The following PHF21A variants were observed in gnomAD, a reference collection of about 807,000 sequenced individuals.
PHF21A encodes BHC80a.
Under a neutral mutation model 82.5 loss-of-function variants are expected in PHF21A, and 11 were observed. The ratio of observed to expected loss-of-function variants is 0.13; its 90% CI spans 0.08 to 0.22. PHF21A has a LOEUF of 0.22. Ranked by LOEUF, PHF21A falls within the 10% of genes least tolerant of loss-of-function variation. PHF21A has a pLI of 1.00. For synonymous variants in PHF21A, 297 were observed against 302.8 expected (o/e 0.98, Z 0.20); for missense variants, 579 against 837.8 (o/e 0.69, Z 3.81).
rs35995547 is a variant in PHF21A, at chr11:45,935,741, TAAAAA to T, written c.1685-7_1685-3del. On this transcript the variant is annotated splice_region_variant and splice_polypyrimidine_tract_variant and intron_variant, in intron 17 of 18. Transcript: ENST00000676320. Reference sequence around the variant, plus strand: ...ACTTCTGTTTCTCTTCTTCTTTTGCTAAAAAAAAAAAAAAAAAAAAAAAGGAACGG... The same window carrying T: ...ACTTCTGTTTCTCTTCTTCTTTTGCTAAAAAAAAAAAAAAAAAAGGAACGG... 7,089 of 515,874 alleles carry T rather than the reference TAAAAA, an allele frequency of 0.014. No individual in the cohort carries two copies. Among genetic ancestry groups the T allele is most frequent in the South Asian group, 0.015 (637 of 42,176 alleles). The allele number at this position is 515,874 out of a possible 1,614,324, so 32.0% of individuals were successfully genotyped here. A position where few individuals can be genotyped will look rare whatever the true frequency, so the allele number is the denominator to read the frequency against.
At chr11:46,061,239 T>C (rs931123365) in intron 6 of PHF21A, among the ~76,000 whole-genome samples, 12 of 152,222 alleles carry the variant, frequency 7.9e-5, no homozygotes, top group African/African-American at 2.9e-4. Context: ...TCGGTTAGCA[T>C]GATGCCTCCA....
At chr11:45,999,972 T>C (rs928220190) in intron 6 of PHF21A, among the ~76,000 whole-genome samples, 7 of 152,226 alleles carry the variant, frequency 4.6e-5, no homozygotes, top group African/African-American at 1.7e-4. Context: ...TGACATTTAC[T>C]AAACAACCAG....
At chr11:46,079,216 T>C in intron 4 of PHF21A, 50 bp from the exon 5 acceptor site, 1 of 1,385,560 alleles carries the variant, frequency 7.2e-7, no homozygotes, top group Non-Finnish European at 1.0e-6. Flanking sequence ...ATTAACTCCC[T>C]ATGGCTAATC....
chr11:45,964,238 T>A (rs1322548456), intron 10 of PHF21A, among the ~76,000 whole-genome samples: 4 of 23,646 alleles, frequency 1.7e-4, no homozygotes, highest in African/African-American at 2.6e-4. Context: ...AATAATAATT[T>A]ATTTCTGAAT....
chr11:45,978,295 C>T (rs952843864), intron 7 of PHF21A, among the ~76,000 whole-genome samples: 13 of 151,498 alleles, frequency 8.6e-5, no homozygotes, highest in Admixed American at 4.6e-4. Flanking sequence ...AGTGAGACTC[C>T]GTCTCAAAAA....
intron 6 of PHF21A, among the ~76,000 whole-genome samples, chr11:46,019,749 G>A (rs981708350): frequency 1.3e-5 from 2 of 152,046 alleles, no homozygotes; most frequent in South Asian, 4.1e-4. Context: ...TTATATTTCT[G>A]CTTGACAGTT....
At chr11:45,962,584 T>C (rs919988800) in intron 10 of PHF21A, among the ~76,000 whole-genome samples, 3 of 151,924 alleles carry the variant, frequency 2.0e-5, no homozygotes, top group Admixed American at 2.0e-4. Flanking sequence ...AATTCCTTTA[T>C]TAGACCAAAA....
intron 5 of PHF21A, among the ~76,000 whole-genome samples, chr11:46,078,376 TAGATAA>T (rs1361609693): frequency 2.0e-5 from 3 of 152,174 alleles, no homozygotes; most frequent in African/African-American, 7.2e-5. Context: ...GATATAGATA[TAGATAA>T]AGATATATTT....
At chr11:46,079,749 A>T (rs2096767723) in intron 4 of PHF21A, among the ~76,000 whole-genome samples, 1 of 152,144 alleles carries the variant, frequency 6.6e-6, no homozygotes, top group Admixed American at 6.5e-5. Context: ...AACTCTATCT[A>T]ACTCGATTCC....
chr11:45,974,712 C>T (rs1171509827), intron 7 of PHF21A, among the ~76,000 whole-genome samples: 2 of 152,078 alleles, frequency 1.3e-5, no homozygotes, highest in Non-Finnish European at 2.9e-5. Flanking sequence ...ATCGGCCTCC[C>T]AAAGTGTTGG....
intron 1 of PHF21A, among the ~76,000 whole-genome samples, chr11:46,108,582 TATATAA>T (rs768687714): frequency 5.0e-4 from 69 of 138,150 alleles, no homozygotes; most frequent in East Asian, 6.2e-4. Flanking sequence ...TATATATATA[TATATAA>T]AATACATATG....
At chr11:46,117,993 A>G (rs1193853167) in intron 1 of PHF21A, 1 of 152,230 alleles carries the variant, frequency 6.6e-6, no homozygotes, top group Non-Finnish European at 1.5e-5. Context: ...TGTAATAAGT[A>G]GCAAGACCCT....
chr11:46,029,233 G>A (rs1352578758), intron 6 of PHF21A, among the ~76,000 whole-genome samples: 3 of 152,120 alleles, frequency 2.0e-5, no homozygotes, highest in East Asian at 3.8e-4. Context: ...AATTCTACTT[G>A]ATACTGACTT....
intron 14 of PHF21A, 85 bp downstream of exon 14, chr11:45,948,801 T>C (rs1179462076): frequency 3.2e-6 from 3 of 933,240 alleles, no homozygotes; most frequent in East Asian, 2.4e-5. Context: ...TTAGGTCCTA[T>C]AATGATGGGA....
rs769089921 is a variant in PHF21A at position 45,933,717 on chromosome 11, G to T, written c.*251C>A. On this transcript the variant is annotated 3_prime_UTR_variant, in exon 19 of 19. Transcript: ENST00000676320. ...GTAAATATATTATTTCACTTGGCAT[G>T]GTGCTGGCAAAGAACCTCCAGCTGG... The T allele has an allele frequency of 9.4e-5, 37 of 392,200 alleles. No homozygotes were observed. The highest frequency in any genetic ancestry group is 1.4e-4 in the Non-Finnish European group (32 of 222,446). The allele number at this position is 392,200 out of a possible 1,614,324, so 24.3% of individuals were successfully genotyped here. A position where few individuals can be genotyped will look rare whatever the true frequency, so the allele number is the denominator to read the frequency against.
At chr11:45,970,976 C>T in intron 8 of PHF21A, 140 bp downstream of exon 8, 1 of 1,039,946 alleles carries the variant, frequency 9.6e-7, no homozygotes, top group Non-Finnish European at 1.4e-6. Flanking sequence ...ATTCCCTTGT[C>T]AGCCCCAAAG....
At chr11:46,011,282 A>G (rs972169821) in intron 6 of PHF21A, among the ~76,000 whole-genome samples, 1 of 152,176 alleles carries the variant, frequency 6.6e-6, no homozygotes, top group Non-Finnish European at 1.5e-5. Context: ...TGAGGTCAGG[A>G]GTTCAAGGCC....
chr11:46,033,303 T>G (rs781307421), intron 6 of PHF21A, among the ~76,000 whole-genome samples: 2 of 152,210 alleles, frequency 1.3e-5, no homozygotes, highest in Non-Finnish European at 2.9e-5. Flanking sequence ...CTTACTCTGT[T>G]GCCTAGATTG....
intron 6 of PHF21A, among the ~76,000 whole-genome samples, chr11:46,065,776 T>C (rs192799478): frequency 7.0e-4 from 106 of 152,288 alleles, no homozygotes; most frequent in African/African-American, 2.6e-3. Flanking sequence ...CACTAGGGTA[T>C]AAAGCGGGTG....
Sources: allele counts gnomAD v4.1 joint callset (sites outside exome capture counted in the v4.1 genomes callset), GRCh38; gene constraint gnomAD v4.1.1; transcripts MANE v1.5; gene names NCBI Gene and HGNC (gene_info 2026-07-23, HGNC 2026-07-21).